The following ITFG1 variants were observed in gnomAD, a reference collection of about 807,000 sequenced individuals.
The protein encoded by ITFG1 is T-cell immunomodulatory protein.
In ITFG1, 34 loss-of-function variants were observed where a neutral mutation model predicts 81.8. That is an observed-to-expected ratio of 0.42 (90% CI 0.32 to 0.55). ITFG1 has a LOEUF of 0.55. Among genes scored for constraint, ITFG1 ranks in the 20% least tolerant of loss-of-function variants. ITFG1 has a pLI of 0.17. For synonymous variants in ITFG1, 285 were observed against 270.6 expected (o/e 1.05, Z -0.52); for missense variants, 672 against 755.4 (o/e 0.89, Z 1.29).
intron 10 of ITFG1, among the ~76,000 whole-genome samples, chr16:47,281,091 T>G (rs1049857586): frequency 2.6e-5 from 4 of 152,174 alleles, no homozygotes; most frequent in Non-Finnish European, 5.9e-5. Flanking sequence ...CTCCTGAATT[T>G]GTAGCCAAGT....
chr16:47,326,897 G>A (rs924191001), intron 8 of ITFG1, among the ~76,000 whole-genome samples: 1 of 152,124 alleles, frequency 6.6e-6, no homozygotes, highest in Non-Finnish European at 1.5e-5. Flanking sequence ...TGGCCATAGT[G>A]CCCAAGGTAA....
intron 10 of ITFG1, among the ~76,000 whole-genome samples, chr16:47,280,663 TGCTAAG>T (rs1490840638): frequency 6.6e-6 from 1 of 152,152 alleles, no homozygotes; most frequent in Non-Finnish European, 1.5e-5. Flanking sequence ...CTTGAGTTTA[TGCTAAG>T]GCCCTTAGAT....
chr16:47,395,083 G>A (rs1439297229), intron 6 of ITFG1, among the ~76,000 whole-genome samples: 3 of 152,050 alleles, frequency 2.0e-5, no homozygotes, highest in African/African-American at 7.2e-5. Flanking sequence ...GCTTATTGAA[G>A]TTGCATGCTA....
At chr16:47,233,884 T>A (rs1428159909) in intron 13 of ITFG1, among the ~76,000 whole-genome samples, 1 of 152,190 alleles carries the variant, frequency 6.6e-6, no homozygotes, top group Non-Finnish European at 1.5e-5. Context: ...GTAATCATTA[T>A]CTTTCATTTA....
At chr16:47,181,145 C>T (rs1423298666) in intron 14 of ITFG1, among the ~76,000 whole-genome samples, 2 of 146,870 alleles carry the variant, frequency 1.4e-5, no homozygotes, top group African/African-American at 5.0e-5. Flanking sequence ...GCGCCGCTGC[C>T]CCACCGCCCC....
At chr16:47,253,835 C>T (rs796263412) in intron 12 of ITFG1, among the ~76,000 whole-genome samples, 5 of 152,256 alleles carry the variant, frequency 3.3e-5, no homozygotes, top group African/African-American at 1.2e-4. Context: ...GGCCGTTCAC[C>T]TCCTGTCGTG....
At chr16:47,409,896 G>A (rs905759047) in intron 6 of ITFG1, among the ~76,000 whole-genome samples, 13 of 151,972 alleles carry the variant, frequency 8.6e-5, no homozygotes, top group Admixed American at 6.6e-5. Flanking sequence ...ACAAGCTGGA[G>A]ATATGTAGAG....
intron 6 of ITFG1, among the ~76,000 whole-genome samples, chr16:47,402,743 T>C (rs1968677666): frequency 6.6e-6 from 1 of 152,262 alleles, no homozygotes; most frequent in Non-Finnish European, 1.5e-5. Flanking sequence ...AAGGAGGCTA[T>C]GTTTTTTAAT....
intron 6 of ITFG1, among the ~76,000 whole-genome samples, chr16:47,424,699 C>T (rs562187333): frequency 6.6e-6 from 1 of 152,002 alleles, no homozygotes. Context: ...CCCTCAGCTG[C>T]AGGTCTGTTG....
Position 47,326,923 on chromosome 16 carries a change from C to T in ITFG1, c.803-13100G>A, listed in dbSNP as rs1346536752. 6.6e-5 allele frequency among the ~76,000 whole-genome samples: 10 copies of T among 152,112 alleles called. No homozygotes were observed. The East Asian group carries it at 1.5e-3, about 23-fold the overall frequency. ...CCCAAGGTAATTTATAGATTCAATG[C>T]CATCCCCATCAAGCTACCAATGACT... On this transcript the variant is annotated intron_variant, in intron 8 of 17. Transcript: ENST00000320640.
At chr16:47,238,693 A>G (rs1596827088) in intron 12 of ITFG1, among the ~76,000 whole-genome samples, 1 of 152,174 alleles carries the variant, frequency 6.6e-6, no homozygotes, top group African/African-American at 2.4e-5. Context: ...TTAAAATGCT[A>G]TATGTTATAA....
chr16:47,323,367 G>T (rs771497985), intron 8 of ITFG1, among the ~76,000 whole-genome samples: 22 of 152,030 alleles, frequency 1.4e-4, no homozygotes, highest in Non-Finnish European at 3.2e-4. Flanking sequence ...AGGAAGAGAG[G>T]CCTGAGCTAC....
chr16:47,340,447 T>C (rs1018731677), intron 8 of ITFG1, among the ~76,000 whole-genome samples: 2 of 152,194 alleles, frequency 1.3e-5, no homozygotes, highest in African/African-American at 4.8e-5. Flanking sequence ...GGTATTACAT[T>C]AAGCTGGTTT....
chr16:47,249,165 C>G (rs748747354), intron 12 of ITFG1, among the ~76,000 whole-genome samples: 7 of 152,136 alleles, frequency 4.6e-5, no homozygotes, highest in Non-Finnish European at 8.8e-5. Flanking sequence ...TGCCTGTAAT[C>G]CCACCACTTT....
chr16:47,243,131 A>T (rs988283966), intron 12 of ITFG1, among the ~76,000 whole-genome samples: 2 of 152,066 alleles, frequency 1.3e-5, no homozygotes, highest in African/African-American at 4.8e-5. Context: ...TGAATAAGGA[A>T]CTCATTAAAT....
chr16:47,327,799 G>A (rs1242694479), intron 8 of ITFG1, among the ~76,000 whole-genome samples: 1 of 152,136 alleles, frequency 6.6e-6, no homozygotes, highest in Admixed American at 6.6e-5. Context: ...CAGTTAGAAT[G>A]GCAATCATTA....
At chr16:47,434,451 C>T (rs929277411) in intron 5 of ITFG1, among the ~76,000 whole-genome samples, 3 of 151,632 alleles carry the variant, frequency 2.0e-5, no homozygotes, top group Middle Eastern at 3.4e-3. Flanking sequence ...GAAAAAAAAG[C>T]TCAACATCAC....
intron 8 of ITFG1, among the ~76,000 whole-genome samples, chr16:47,324,421 G>T (rs927075319): frequency 6.6e-6 from 1 of 152,084 alleles, no homozygotes; most frequent in African/African-American, 2.4e-5. Context: ...GGAAGAAACT[G>T]CATCAACTAA....
At chr16:47,236,110 C>A (rs1320271702) in intron 13 of ITFG1, among the ~76,000 whole-genome samples, 2 of 152,154 alleles carry the variant, frequency 1.3e-5, no homozygotes, top group African/African-American at 2.4e-5. Context: ...CCAAATGATT[C>A]TGTTCACTGT....
Sources: gnomAD v4.1 joint callset for allele counts (sites outside exome capture counted in the v4.1 genomes callset) on GRCh38, gnomAD v4.1.1 for gene constraint, MANE v1.5 for transcripts, NCBI Gene and HGNC (gene_info 2026-07-23, HGNC 2026-07-21) for gene names.